PCDHA11: variants seen among roughly 807,000 people sequenced by gnomAD.
PCDHA11 encodes the protein protocadherin alpha-11.
A neutral mutation model predicts 70.3 loss-of-function variants in PCDHA11; 61 were observed. The ratio of observed to expected loss-of-function variants is 0.87; its 90% CI spans 0.71 to 1.07. The LOEUF (loss-of-function observed/expected upper bound fraction) is 1.07, where lower values mean the gene tolerates loss of function less well. Among genes scored for constraint, PCDHA11 ranks in the 50% least tolerant of loss-of-function variants. The pLI, the probability that PCDHA11 is intolerant of heterozygous loss-of-function variation, is 0.00. For missense variants in PCDHA11, 1,324 were observed against 1,237.5 expected (o/e 1.07, Z -1.05); for synonymous variants, 633 against 555.1 (o/e 1.14, Z -1.97).
chr5:140,974,975 T>A (rs782637911), intron 1 of PCDHA11, among the ~76,000 whole-genome samples: 1 of 152,222 alleles, frequency 6.6e-6, no homozygotes, highest in African/African-American at 2.4e-5. Context: ...GTGGCTGAGT[T>A]GTCCGCTCAG....
chr5:140,907,690 G>C (rs761914004), intron 1 of PCDHA11, among the ~76,000 whole-genome samples: 1 of 152,196 alleles, frequency 6.6e-6, no homozygotes, highest in African/African-American at 2.4e-5. Context: ...TTGGTGAGTG[G>C]AAGTCCCTGT....
intron 1 of PCDHA11, among the ~76,000 whole-genome samples, chr5:140,936,591 G>T (rs1188475668): frequency 6.6e-6 from 1 of 152,180 alleles, no homozygotes; most frequent in Non-Finnish European, 1.5e-5. Context: ...CAGTTAGATT[G>T]CCTACTTTCC....
intron 1 of PCDHA11, among the ~76,000 whole-genome samples, chr5:140,892,561 A>G (rs766284976): frequency 1.3e-5 from 2 of 152,156 alleles, no homozygotes; most frequent in Non-Finnish European, 2.9e-5. Context: ...GTCCTTGGAG[A>G]CTGTCAAAAG....
intron 1 of PCDHA11, chr5:140,966,601 T>C: frequency 1.5e-6 from 1 of 652,170 alleles, no homozygotes; most frequent in East Asian, 3.4e-5. Flanking sequence ...CCAGGAGCCC[T>C]TGGGAGGGCC....
In PCDHA11 at chr5:140,871,356, G is replaced by A. The variant is rs368141967; in HGVS notation, c.2253G>A (p.Gln751=). ...SRAVGSWSYS[Q]QRRQRVCSEE... ...CGGTGGGGAGCTGGTCATACTCGCA[G>A]CAGAGGCGGCAGAGGGTGTGCTCTG... The change falls in exon 1 of 4, where the codon CAG becomes CAA. Residue 751 remains glutamine, a synonymous_variant. Coordinates refer to ENST00000398640, the MANE Select transcript of PCDHA11 (RefSeq NM_018902.5). 1.0e-4 allele frequency: 163 copies of A among 1,614,090 alleles called. No individual in the cohort carries two copies. The highest frequency in any genetic ancestry group is 1.3e-4 in the Non-Finnish European group (157 of 1,180,034).
chr5:140,870,993 A>G lies in PCDHA11; in HGVS notation c.1890A>G (p.Ile630Met). Residue 630 changes from isoleucine to methionine, a missense_variant, in exon 1 of 4, where the codon ATA (isoleucine) becomes ATG (methionine). By Grantham distance (10) the Ile-to-Met change is conservative (BLOSUM62 1). Coordinates refer to ENST00000398640, the MANE Select transcript of PCDHA11 (RefSeq NM_018902.5). ...GCGTGGGGCTGTACACGGGCGAGATAAGCACAACGCGTGCCCTGGACGAGG... is the reference window on the plus strand; with the variant it reads ...GCGTGGGGCTGTACACGGGCGAGATGAGCACAACGCGTGCCCTGGACGAGG... Reference protein sequence around the residue: ...PFRVGLYTGEISTTRALDEAD... With the variant: ...PFRVGLYTGEMSTTRALDEAD... 1 of 1,613,424 alleles carries G rather than the reference A, an allele frequency of 6.2e-7. No individual in the cohort carries two copies. The highest frequency in any genetic ancestry group is 1.1e-5 in the South Asian group (1 of 91,056).
At chr5:140,996,173 A>G (rs2097715399) in intron 3 of PCDHA11, among the ~76,000 whole-genome samples, 1 of 152,236 alleles carries the variant, frequency 6.6e-6, no homozygotes, top group Non-Finnish European at 1.5e-5. Flanking sequence ...ATGTGCTGAC[A>G]GCACCTCCAT....
chr5:141,010,031 A>G lies in PCDHA11; in HGVS notation c.*94A>G, dbSNP rs113710382. The stretch of plus-strand genomic sequence containing the variant: ...TTCCCTGCTCCTTTTTCCTATCTAC[A>G]TGAGCCCTCTTAGAGACCTCAGAAA... On this transcript the variant is annotated 3_prime_UTR_variant, in exon 4 of 4. Transcript: ENST00000398640. 1.9e-6 allele frequency: 3 copies of G among 1,581,690 alleles called. No individual in the cohort carries two copies. The highest frequency in any genetic ancestry group is 2.6e-6 in the Non-Finnish European group (3 of 1,166,446).
intron 1 of PCDHA11, chr5:140,877,134 C>G (rs1339173132): frequency 3.1e-6 from 5 of 1,613,594 alleles, no homozygotes; most frequent in African/African-American, 2.7e-5. Flanking sequence ...TGCAGGTGTT[C>G]GTGCTGGACG....
chr5:140,938,484 A>G (rs914020751), intron 1 of PCDHA11, among the ~76,000 whole-genome samples: 14 of 152,182 alleles, frequency 9.2e-5, no homozygotes, highest in African/African-American at 2.9e-4. Flanking sequence ...TTTAAAAATC[A>G]TGAATAGGCA....
At chr5:140,948,563 AT>A (rs1400147953) in intron 1 of PCDHA11, among the ~76,000 whole-genome samples, 1 of 151,546 alleles carries the variant, frequency 6.6e-6, no homozygotes, top group East Asian at 1.9e-4. Context: ...GTTAAGTTGT[AT>A]TTTTTAAAGG....
chr5:140,997,565 A>T (rs552009994), intron 3 of PCDHA11, among the ~76,000 whole-genome samples: 1 of 152,174 alleles, frequency 6.6e-6, no homozygotes, highest in Non-Finnish European at 1.5e-5. Context: ...CAACTGTCAT[A>T]TGTGTGGTCC....
intron 3 of PCDHA11, among the ~76,000 whole-genome samples, chr5:140,983,980 G>A (rs1169839423): frequency 6.6e-6 from 1 of 152,286 alleles, no homozygotes; most frequent in African/African-American, 2.4e-5. Flanking sequence ...AAATATACGA[G>A]TTGAAGCAAT....
chr5:140,949,779 T>A (rs1414817850), intron 1 of PCDHA11, among the ~76,000 whole-genome samples: 1 of 151,898 alleles, frequency 6.6e-6, no homozygotes, highest in East Asian at 1.9e-4. Context: ...ATTTGATATG[T>A]TTAGATTTGT....
chr5:141,010,089 G>T lies in PCDHA11; in HGVS notation c.*152G>T. On this transcript the variant is annotated 3_prime_UTR_variant, in exon 4 of 4. Coordinates refer to ENST00000398640, the MANE Select transcript of PCDHA11 (RefSeq NM_018902.5). The stretch of plus-strand genomic sequence containing the variant: ...AAAGTTCCCTGTGTCTGTCTAGAAC[G>T]CATTTAACAGGTTTTGTCGTAAAAG... 2 of 1,612,296 alleles carry T rather than the reference G, an allele frequency of 1.2e-6. No individual in the cohort carries two copies. Among genetic ancestry groups the T allele is most frequent in the East Asian group, 2.2e-5 (1 of 44,872 alleles).
In PCDHA11 at chr5:140,869,699, C is replaced by A. The variant is rs10071369; in HGVS notation, c.596C>A (p.Ser199Tyr). Residue 199 changes from serine to tyrosine, a missense_variant, in exon 1 of 4, where the codon TCT (serine) becomes TAT (tyrosine). Transcript: ENST00000398640. ...AGACTGTCACTTATTTTAAAGAAGTCTCTGGATAGAGAGAAAACTCCGGAA... is the reference window on the plus strand; with the variant it reads ...AGACTGTCACTTATTTTAAAGAAGTATCTGGATAGAGAGAAAACTCCGGAA... Reference protein sequence around the residue: ...IKRLSLILKKSLDREKTPELN... With the variant: ...IKRLSLILKKYLDREKTPELN... 1,310 of 1,613,374 alleles carry A rather than the reference C, an allele frequency of 8.1e-4. 10 individuals carry two copies. In the African/African-American group the frequency reaches 0.014, roughly 18 times the overall value.
At chr5:140,883,477 C>T (rs2059632046) in intron 1 of PCDHA11, 2 of 1,614,054 alleles carry the variant, frequency 1.2e-6, no homozygotes, top group Non-Finnish European at 1.7e-6. Flanking sequence ...CCTACAAGAA[C>T]TACTACTCAT....
At chr5:140,982,041 A>C (rs1450726743) in intron 2 of PCDHA11, among the ~76,000 whole-genome samples, 2 of 152,268 alleles carry the variant, frequency 1.3e-5, no homozygotes, top group Non-Finnish European at 2.9e-5. Context: ...TCCAATTATC[A>C]GAAAATATTT....
chr5:140,981,694 A>C (rs1407083166), intron 2 of PCDHA11, among the ~76,000 whole-genome samples: 1 of 151,154 alleles, frequency 6.6e-6, no homozygotes, highest in Non-Finnish European at 1.5e-5. Context: ...TCCATCATTC[A>C]TTCATTCATT....
Sources: gnomAD v4.1 joint callset for allele counts (sites outside exome capture counted in the v4.1 genomes callset) on GRCh38, gnomAD v4.1.1 for gene constraint, MANE v1.5 for transcripts, NCBI Gene and HGNC (gene_info 2026-07-23, HGNC 2026-07-21) for gene names.